Variants in NTM observed in about 807,000 individuals in gnomAD.
NTM encodes the protein neurotrimin.
Under a neutral mutation model 42.1 loss-of-function variants are expected in NTM, and 13 were observed. That is an observed-to-expected ratio of 0.31 (90% CI 0.20 to 0.49). The LOEUF (loss-of-function observed/expected upper bound fraction) is 0.49, where lower values mean the gene tolerates loss of function less well. NTM is among the 20% of genes least tolerant of loss of function. NTM has a pLI of 0.99. For missense variants in NTM, 373 were observed against 452.8 expected (o/e 0.82, Z 1.60); for synonymous variants, 187 against 179.2 (o/e 1.04, Z -0.35).
intron 2 of NTM, among the ~76,000 whole-genome samples, chr11:131,950,179 A>G (rs948851873): frequency 1.3e-5 from 2 of 152,058 alleles, no homozygotes; most frequent in African/African-American, 2.4e-5. Context: ...GTTGCCCTAG[A>G]GGCCTCCTGT....
At chr11:131,577,640 GCT>G in intron 1 of NTM, among the ~76,000 whole-genome samples, 1 of 152,338 alleles carries the variant, frequency 6.6e-6, no homozygotes, top group Middle Eastern at 3.4e-3. Flanking sequence ...AGTTGTGCCT[GCT>G]CTGTTTCTCC....
chr11:131,518,159 A>G (rs973676920), intron 1 of NTM, among the ~76,000 whole-genome samples: 12 of 152,232 alleles, frequency 7.9e-5, no homozygotes, highest in African/African-American at 2.7e-4. Context: ...TGATGAAGAC[A>G]GGCAGGCATG....
At chr11:132,154,940 A>G (rs1591864838) in intron 3 of NTM, among the ~76,000 whole-genome samples, 1 of 152,358 alleles carries the variant, frequency 6.6e-6, no homozygotes, top group South Asian at 2.1e-4. Context: ...TTATTGATGC[A>G]AAATCAGGGC....
At chr11:131,813,938 T>C (rs1185105337) in intron 1 of NTM, among the ~76,000 whole-genome samples, 1 of 152,256 alleles carries the variant, frequency 6.6e-6, no homozygotes, top group South Asian at 2.1e-4. Context: ...TCATGGAGTA[T>C]TAAAAGAGGT....
intron 2 of NTM, among the ~76,000 whole-genome samples, chr11:132,091,721 G>A (rs4937671): frequency 0.69 from 104,666 of 151,788 alleles, 36,759 homozygotes; most frequent in Middle Eastern, 0.76. Context: ...GGCTCAAGCA[G>A]TCCTCCTGCC....
intron 1 of NTM, among the ~76,000 whole-genome samples, chr11:131,849,295 T>A (rs1189798795): frequency 1.3e-5 from 2 of 152,154 alleles, no homozygotes; most frequent in African/African-American, 4.8e-5. Flanking sequence ...CTGGGTAATT[T>A]ATAAAGAAAA....
chr11:131,898,162 T>TTA (rs912269386), intron 1 of NTM, among the ~76,000 whole-genome samples: 1 of 152,172 alleles, frequency 6.6e-6, no homozygotes, highest in Non-Finnish European at 1.5e-5. Flanking sequence ...CTCGAAATGT[T>TTA]TATATAACCT....
At chr11:131,482,722 T>C (rs1162437634) in intron 1 of NTM, among the ~76,000 whole-genome samples, 1 of 152,204 alleles carries the variant, frequency 6.6e-6, no homozygotes, top group Non-Finnish European at 1.5e-5. Flanking sequence ...GCTAATCTTC[T>C]GTGATAAGCT....
intron 2 of NTM, among the ~76,000 whole-genome samples, chr11:132,102,815 C>A (rs1468399219): frequency 6.6e-6 from 1 of 152,196 alleles, no homozygotes; most frequent in African/African-American, 2.4e-5. Context: ...CCTTAGACAG[C>A]CCCCTTGCTC....
chr11:131,802,738 C>T (rs182800853), intron 1 of NTM, among the ~76,000 whole-genome samples: 48 of 152,344 alleles, frequency 3.2e-4, no homozygotes, highest in Non-Finnish European at 5.9e-4. Context: ...CCTCACTGCA[C>T]TCCGTATGGC....
intron 2 of NTM, among the ~76,000 whole-genome samples, chr11:132,080,797 GT>G (rs2058944102): frequency 6.6e-6 from 1 of 152,162 alleles, no homozygotes; most frequent in East Asian, 1.9e-4. Flanking sequence ...AAATGTGCTT[GT>G]TTCATATGAT....
At position 131,432,839 on chromosome 11, in the gene NTM, C is replaced by CATTTTTTTTTTTTTTTTTTT. The variant is rs1565494793; in HGVS notation, c.82+61951_82+61952insATTTTTTTTTTTTTTTTTTT. Reference sequence around the variant, plus strand: ...CTACAAAAGATGAAGATTTAGCATTCTTTTTTTTTTTTTTTTTTTTTTTTT... The same window carrying CATTTTTTTTTTTTTTTTTTT: ...CTACAAAAGATGAAGATTTAGCATTCATTTTTTTTTTTTTTTTTTTTTTTTTTTTTTTTTTTTTTTTTTTT... On this transcript the variant is annotated intron_variant, in intron 1 of 8. Transcript: ENST00000683400. 2.9e-4 allele frequency among the ~76,000 whole-genome samples: 20 copies of CATTTTTTTTTTTTTTTTTTT among 68,692 alleles called. 2 individuals carry two copies. The highest frequency in any genetic ancestry group is 4.4e-4 in the Non-Finnish European group (17 of 38,814). 45.1% of individuals were successfully genotyped at this position (68,692 alleles called of 152,430 possible).
chr11:131,543,115 C>G (rs996142558), intron 1 of NTM, among the ~76,000 whole-genome samples: 1 of 152,182 alleles, frequency 6.6e-6, no homozygotes, highest in Admixed American at 6.5e-5. Flanking sequence ...CCTTAAGTCT[C>G]TTGTGTGTCC....
intron 2 of NTM, among the ~76,000 whole-genome samples, chr11:132,072,481 G>A (rs1270134771): frequency 6.6e-6 from 1 of 152,130 alleles, no homozygotes; most frequent in Admixed American, 6.5e-5. Context: ...CCATGTTTTG[G>A]GGGCAGTCTG....
At chr11:131,618,824 G>A (rs1263452029) in intron 1 of NTM, among the ~76,000 whole-genome samples, 1 of 152,202 alleles carries the variant, frequency 6.6e-6, no homozygotes, top group Non-Finnish European at 1.5e-5. Flanking sequence ...TAGAAGTTGT[G>A]TGCAGTAGAA....
chr11:132,314,651 T>C lies in NTM; in HGVS notation c.882T>C (p.Thr294=), dbSNP rs139190383. The change falls in exon 7 of 9, where the codon ACT becomes ACC. Residue 294 remains threonine (T), a synonymous_variant. Coordinates refer to ENST00000683400, the MANE Select transcript of NTM (RefSeq NM_001352005.2). The part of the protein sequence containing the change: ...NVSEHDYGNY[T]CVASNKLGHT... Reference sequence around the variant, plus strand: ...CTGAACATGACTATGGGAACTACACTTGCGTGGCCTCCAACAAGCTGGGCC... The same window carrying C: ...CTGAACATGACTATGGGAACTACACCTGCGTGGCCTCCAACAAGCTGGGCC... 1.2e-6 allele frequency: 2 copies of C among 1,613,924 alleles called. No individual in the cohort carries two copies. The highest frequency in any genetic ancestry group is 1.7e-6 in the Non-Finnish European group (2 of 1,179,920).
chr11:131,648,336 A>G (rs2066030104), intron 1 of NTM, among the ~76,000 whole-genome samples: 1 of 152,070 alleles, frequency 6.6e-6, no homozygotes, highest in South Asian at 2.1e-4. Flanking sequence ...AGAATGATTT[A>G]TATTCCTCTG....
intron 1 of NTM, among the ~76,000 whole-genome samples, chr11:131,754,946 GC>G (rs2083125489): frequency 6.6e-6 from 1 of 152,166 alleles, no homozygotes; most frequent in Non-Finnish European, 1.5e-5. Flanking sequence ...AGTACAGATG[GC>G]AAAACTCTAC....
chr11:132,018,055 C>T (rs2135490680), intron 2 of NTM, among the ~76,000 whole-genome samples: 1 of 151,938 alleles, frequency 6.6e-6, no homozygotes, highest in Non-Finnish European at 1.5e-5. Context: ...GAGTGTATCA[C>T]CTGAGAATAA....
Sources: gnomAD v4.1 joint callset for allele counts (sites outside exome capture counted in the v4.1 genomes callset) on GRCh38, gnomAD v4.1.1 for gene constraint, MANE v1.5 for transcripts, NCBI Gene and HGNC (gene_info 2026-07-23, HGNC 2026-07-21) for gene names.